Variants in LRRC4C observed in about 807,000 individuals in gnomAD.
LRRC4C encodes the protein leucine rich repeat containing 4C, also known as leucine-rich repeat-containing protein 4C.
In LRRC4C, 5 loss-of-function variants were observed where a neutral mutation model predicts 33.6. The observed-to-expected ratio is 0.15, with a 90% CI of 0.08 to 0.31. LRRC4C has a LOEUF of 0.31. LRRC4C is among the 10% of genes least tolerant of loss of function. The probability of loss-of-function intolerance (pLI) is 1.00; values close to 1 mark genes in which losing one functional copy is unlikely to be tolerated. For missense variants in LRRC4C, 560 were observed against 796.7 expected, an observed-to-expected ratio of 0.70 and a Z score of 3.58; for synonymous variants, 329 against 302.0, an observed-to-expected ratio of 1.09 and a Z score of -0.93.
chr11:40,342,340 G>A (rs149123369), intron 3 of LRRC4C, among the ~76,000 whole-genome samples: 2,210 of 152,080 alleles, frequency 0.015, 48 homozygotes, highest in African/African-American at 0.049. Flanking sequence ...ATGGTGGTGC[G>A]CACCTCTAGT....
chr11:40,575,588 G>C (rs556942299), intron 3 of LRRC4C, among the ~76,000 whole-genome samples: 1 of 152,216 alleles, frequency 6.6e-6, no homozygotes, highest in African/African-American at 2.4e-5. Flanking sequence ...GGAAATACTT[G>C]ATTTCTAGTC....
intron 2 of LRRC4C, among the ~76,000 whole-genome samples, chr11:40,744,138 G>A (rs779176213): frequency 1.3e-5 from 2 of 152,136 alleles, no homozygotes; most frequent in African/African-American, 2.4e-5. Context: ...AAACACAACA[G>A]ATAATGTTCT....
At chr11:40,909,876 C>T (rs763738217) in intron 2 of LRRC4C, among the ~76,000 whole-genome samples, 25 of 152,242 alleles carry the variant, frequency 1.6e-4, no homozygotes, top group East Asian at 3.9e-4. Flanking sequence ...TGAAAGGCAA[C>T]GCTTGAATAT....
chr11:40,531,173 G>A (rs1192515195), intron 3 of LRRC4C, among the ~76,000 whole-genome samples: 2 of 152,050 alleles, frequency 1.3e-5, no homozygotes, highest in Non-Finnish European at 1.5e-5. Context: ...CAGCAAAATT[G>A]AGAGGAAAGT....
At chr11:40,231,143 G>A (rs1005448084) in intron 5 of LRRC4C, among the ~76,000 whole-genome samples, 17 of 152,186 alleles carry the variant, frequency 1.1e-4, no homozygotes, top group African/African-American at 3.6e-4. Context: ...GAGGTGAGAG[G>A]ATGTCTTGAG....
chr11:40,576,028 A>G (rs976152271), intron 3 of LRRC4C, among the ~76,000 whole-genome samples: 1 of 152,206 alleles, frequency 6.6e-6, no homozygotes, highest in Admixed American at 6.5e-5. Context: ...TTCTTTTATT[A>G]TCTTTGAATT....
At chr11:40,458,177 C>G (rs894355511) in intron 3 of LRRC4C, among the ~76,000 whole-genome samples, 8 of 152,086 alleles carry the variant, frequency 5.3e-5, no homozygotes, top group African/African-American at 1.7e-4. Context: ...GAATTTGGGT[C>G]TCTGATGACA....
intron 3 of LRRC4C, among the ~76,000 whole-genome samples, chr11:40,402,705 G>T (rs992752810): frequency 1.3e-5 from 2 of 152,052 alleles, no homozygotes; most frequent in Non-Finnish European, 2.9e-5. Context: ...GTACATTGAA[G>T]GGTGAAATGA....
chr11:40,253,389 T>A (rs1166572753), intron 4 of LRRC4C, among the ~76,000 whole-genome samples: 1 of 152,190 alleles, frequency 6.6e-6, no homozygotes, highest in Non-Finnish European at 1.5e-5. Context: ...CAGGTTGGTA[T>A]AAAAAGCTGG....
At chr11:40,342,338 G>A (rs1209806609) in intron 3 of LRRC4C, among the ~76,000 whole-genome samples, 3 of 152,056 alleles carry the variant, frequency 2.0e-5, no homozygotes, top group South Asian at 2.1e-4. Context: ...GCATGGTGGT[G>A]CGCACCTCTA....
At chr11:40,844,902 T>C (rs1953086093) in intron 2 of LRRC4C, among the ~76,000 whole-genome samples, 1 of 152,138 alleles carries the variant, frequency 6.6e-6, no homozygotes, top group Non-Finnish European at 1.5e-5. Flanking sequence ...GTTAATTACT[T>C]TGACTAAGCC....
chr11:40,565,191 C>T (rs1230857105), intron 3 of LRRC4C, among the ~76,000 whole-genome samples: 2 of 152,136 alleles, frequency 1.3e-5, no homozygotes, highest in East Asian at 1.9e-4. Context: ...GAGAAGCCCC[C>T]AGCAACCGTG....
At chr11:40,612,749 C>T (rs567960610) in intron 3 of LRRC4C, among the ~76,000 whole-genome samples, 3 of 151,748 alleles carry the variant, frequency 2.0e-5, no homozygotes, top group Non-Finnish European at 4.4e-5. Context: ...AAATATTTTC[C>T]AATCTGTCTT....
intron 1 of LRRC4C, among the ~76,000 whole-genome samples, chr11:41,099,608 T>C (rs1241643788): frequency 3.3e-5 from 5 of 152,138 alleles, no homozygotes; most frequent in African/African-American, 4.8e-5. Context: ...ATTATGTCAA[T>C]AGAGGCAAAA....
intron 2 of LRRC4C, among the ~76,000 whole-genome samples, chr11:40,734,620 C>T (rs1036988236): frequency 2.0e-5 from 3 of 152,132 alleles, no homozygotes; most frequent in African/African-American, 4.8e-5. Flanking sequence ...CGTAAGTCAC[C>T]TCATGACAGA....
intron 2 of LRRC4C, among the ~76,000 whole-genome samples, chr11:40,908,514 A>T (rs1459324697): frequency 6.6e-6 from 1 of 152,192 alleles, no homozygotes; most frequent in Non-Finnish European, 1.5e-5. Context: ...AATGAAAGAA[A>T]CAAAACAGAA....
intron 1 of LRRC4C, among the ~76,000 whole-genome samples, chr11:41,368,855 G>A (rs937811859): frequency 9.2e-5 from 14 of 152,004 alleles, no homozygotes; most frequent in Non-Finnish European, 1.8e-4. Context: ...TTTTTTCCCC[G>A]CATCCTAAAT....
intron 3 of LRRC4C, among the ~76,000 whole-genome samples, chr11:40,347,449 C>T (rs1019765958): frequency 2.0e-5 from 3 of 152,226 alleles, no homozygotes; most frequent in Admixed American, 6.5e-5. Flanking sequence ...TTCATGTGTT[C>T]GCTGAAGTCT....
intron 3 of LRRC4C, among the ~76,000 whole-genome samples, chr11:40,328,268 T>C (rs559802895): frequency 5.5e-4 from 83 of 152,282 alleles, no homozygotes; most frequent in African/African-American, 1.9e-3. Context: ...TATTTTAACA[T>C]GAGAATTAGA....
Sources: gnomAD v4.1 joint callset for allele counts (sites outside exome capture counted in the v4.1 genomes callset) on GRCh38, gnomAD v4.1.1 for gene constraint, MANE v1.5 for transcripts, NCBI Gene and HGNC (gene_info 2026-07-23, HGNC 2026-07-21) for gene names.